RBMS2: variants seen among roughly 807,000 people sequenced by gnomAD.
RBMS2 encodes RNA binding motif single stranded interacting protein 2.
A neutral mutation model predicts 58.4 loss-of-function variants in RBMS2; 38 were observed. The observed-to-expected ratio is 0.65, with a 90% CI of 0.50 to 0.85. The LOEUF (loss-of-function observed/expected upper bound fraction) is 0.85, where lower values mean the gene tolerates loss of function less well. Ranked by LOEUF, RBMS2 falls within the 40% of genes least tolerant of loss-of-function variation. RBMS2 has a pLI of 0.00. For missense variants in RBMS2, 367 were observed against 503.7 expected, an observed-to-expected ratio of 0.73 and a Z score of 2.60; for synonymous variants, 151 against 180.7, an observed-to-expected ratio of 0.84 and a Z score of 1.32.
At chr12:56,521,502 GTTTT>G (rs68129205), upstream of RBMS2, among the ~76,000 whole-genome samples, 49 of 73,158 alleles carry the variant, frequency 6.7e-4, no homozygotes, top group African/African-American at 2.4e-3. Context: ...CTCTAACTCT[GTTTT>G]TTTTTTTTTT....
intron 2 of RBMS2, among the ~76,000 whole-genome samples, chr12:56,568,209 T>G (rs1881693055): frequency 6.6e-6 from 1 of 152,102 alleles, no homozygotes; most frequent in African/African-American, 2.4e-5. Context: ...GTGATGGAAA[T>G]AGGATATCAG....
intron 5 of RBMS2, among the ~76,000 whole-genome samples, chr12:56,578,614 T>G (rs1883476579): frequency 6.6e-6 from 1 of 152,210 alleles, no homozygotes; most frequent in Admixed American, 6.5e-5. Flanking sequence ...TGAGAAACCT[T>G]GTTCTCATAA....
At chr12:56,583,163 T>C (rs1038240671) in intron 9 of RBMS2, among the ~76,000 whole-genome samples, 1 of 152,212 alleles carries the variant, frequency 6.6e-6, no homozygotes, top group African/African-American at 2.4e-5. Flanking sequence ...GTGCTATATT[T>C]TTATATATGA....
intron 2 of RBMS2, among the ~76,000 whole-genome samples, chr12:56,562,875 C>T (rs2136423692): frequency 6.6e-6 from 1 of 152,340 alleles, no homozygotes; most frequent in Middle Eastern, 3.4e-3. Flanking sequence ...ATAATCCCAG[C>T]ACTTTGGGAG....
intron 1 of RBMS2, among the ~76,000 whole-genome samples, chr12:56,530,363 T>C (rs1302660726): frequency 7.1e-6 from 1 of 140,570 alleles, no homozygotes; most frequent in Non-Finnish European, 1.6e-5. Flanking sequence ...TTTTTTTTTT[T>C]TTTTTTTTTT....
chr12:56,542,809 C>T (rs930605580), intron 1 of RBMS2, among the ~76,000 whole-genome samples: 2 of 151,652 alleles, frequency 1.3e-5, no homozygotes, highest in Non-Finnish European at 2.9e-5. Context: ...CTCTGTCTCC[C>T]GAAGTGTTGG....
chr12:56,532,313 C>T (rs1873899343), intron 1 of RBMS2, among the ~76,000 whole-genome samples: 2 of 151,622 alleles, frequency 1.3e-5, no homozygotes, highest in African/African-American at 4.8e-5. Flanking sequence ...GAGGCCGAGG[C>T]AGGCAGATCA....
chr12:56,526,020 G>A (rs889058991), intron 1 of RBMS2, among the ~76,000 whole-genome samples: 6 of 151,568 alleles, frequency 4.0e-5, no homozygotes, highest in African/African-American at 1.5e-4. Context: ...GAAAGTTATT[G>A]TAAAAATTTA....
Position 56,548,245 on chromosome 12 carries a change from G to A in RBMS2, c.67-14172G>A, listed in dbSNP as rs536194563. Among the ~76,000 whole-genome samples the A allele has an allele frequency of 5.9e-5, 9 of 151,850 alleles. No individual in the cohort carries two copies. The South Asian group carries it at 1.5e-3, about 25-fold the overall frequency. ...GCAGATCACATGAGGTCAGGAGTTCGAGACCAGCCTGGCCAACATGGTGAA... is the reference window on the plus strand; with the variant it reads ...GCAGATCACATGAGGTCAGGAGTTCAAGACCAGCCTGGCCAACATGGTGAA... On this transcript the variant is annotated intron_variant, in intron 1 of 13. Transcript: ENST00000262031.
rs1300418725 is a variant in RBMS2 at position 56,594,305 on chromosome 12, G to C, written c.*5172G>C. The C allele has an allele frequency of 6.6e-6, 1 of 152,248 alleles. No individual in the cohort carries two copies. The highest frequency in any genetic ancestry group is 1.5e-5 in the Non-Finnish European group (1 of 68,056). The allele number at this position is 152,248 out of a possible 1,614,324, so 9.4% of individuals were successfully genotyped here. ...CACATGCCCCACCTTCTGGGCAAGT[G>C]GCAGCATTGCGCTCATGAGGGGCTT... is the stretch of plus-strand genomic sequence containing the variant. On this transcript the variant is annotated 3_prime_UTR_variant, in exon 14 of 14. Coordinates refer to ENST00000262031, the MANE Select transcript of RBMS2 (RefSeq NM_002898.4).
At chr12:56,568,424 GAA>G (rs1881728042) in intron 2 of RBMS2, among the ~76,000 whole-genome samples, 3 of 152,150 alleles carry the variant, frequency 2.0e-5, no homozygotes, top group Admixed American at 2.0e-4. Context: ...AGCTGGGAAA[GAA>G]GAGAGAAATG....
chr12:56,575,778 C>T (rs1883036429), intron 5 of RBMS2, among the ~76,000 whole-genome samples: 2 of 151,848 alleles, frequency 1.3e-5, no homozygotes, highest in African/African-American at 4.8e-5. Context: ...CCTGTAATCC[C>T]AGCTACTCAG....
intron 2 of RBMS2, among the ~76,000 whole-genome samples, chr12:56,565,080 A>G (rs1881107000): frequency 6.6e-6 from 1 of 152,232 alleles, no homozygotes; most frequent in Non-Finnish European, 1.5e-5. Context: ...ATGCTCCTAT[A>G]TACTTTAAAA....
At position 56,526,320 on chromosome 12, in the gene RBMS2, T is replaced by TAAATAAAATAAAATA. The variant is rs566701714; in HGVS notation, c.66+4240_66+4254dup. The stretch of plus-strand genomic sequence containing the variant: ...AGACTCCATCTCAAAAATAAATAAA[T>TAAATAAAATAAAATA]AAATAAAATAAAATAAAATAAAACA... On this transcript the variant is annotated intron_variant, in intron 1 of 13. Transcript: ENST00000262031. Among the ~76,000 whole-genome samples, 1,148 of 151,512 alleles carry TAAATAAAATAAAATA rather than the reference T, an allele frequency of 7.6e-3. 21 individuals carry two copies. Among genetic ancestry groups the TAAATAAAATAAAATA allele is most frequent in the African/African-American group, 0.026 (1,081 of 41,282 alleles).
intron 1 of RBMS2, among the ~76,000 whole-genome samples, chr12:56,561,605 C>T (rs1880398087): frequency 6.6e-6 from 1 of 151,796 alleles, no homozygotes; most frequent in Non-Finnish European, 1.5e-5. Context: ...CTCCCAGATT[C>T]ACGCCATTCT....
chr12:56,582,217 A>G, intron 9 of RBMS2, 65 bp downstream of exon 9: 2 of 1,386,438 alleles, frequency 1.4e-6, no homozygotes, highest in Non-Finnish European at 2.0e-6. Context: ...GTGAAGTAAT[A>G]TAAGGCTAGG....
chr12:56,581,930 A>G (rs1385728506), intron 8 of RBMS2, 51 bp downstream of exon 8: 8 of 1,596,150 alleles, frequency 5.0e-6, no homozygotes, highest in Non-Finnish European at 6.9e-6. Context: ...GCCTGTGTCC[A>G]GACACTCAAA....
In RBMS2 at chr12:56,553,366, T is replaced by A. The variant is rs145828022; in HGVS notation, c.67-9051T>A. ...TGTGTATGTGATAAAGATTATTCTG[T>A]CGCCCAGGCTGGAGGGCAGTGGTGT... On this transcript the variant is annotated intron_variant, in intron 1 of 13. Transcript: ENST00000262031. Among the ~76,000 whole-genome samples the A allele has an allele frequency of 5.2e-3, 787 of 152,164 alleles. 6 individuals carry two copies. Among genetic ancestry groups the A allele is most frequent in the African/African-American group, 0.018 (739 of 41,532 alleles).
rs952297641 is a variant in RBMS2 at position 56,592,533 on chromosome 12, CAG to C, written c.*3403_*3404del. On this transcript the variant is annotated 3_prime_UTR_variant, in exon 14 of 14. Transcript: ENST00000262031. Reference sequence around the variant, plus strand: ...TTTTATTTTATTTTATTTTTTCAGACAGAGTCTTGCTCTGTCGCCCAGGCTGG... The same window carrying C: ...TTTTATTTTATTTTATTTTTTCAGACAGTCTTGCTCTGTCGCCCAGGCTGG... The C allele has an allele frequency of 5.9e-5, 9 of 152,168 alleles. No homozygotes were observed. Among genetic ancestry groups the C allele is most frequent in the African/African-American group, 1.7e-4 (7 of 41,380 alleles). The allele number at this position is 152,168 out of a possible 1,614,324, so 9.4% of individuals were successfully genotyped here.
Sources: gnomAD v4.1 joint callset for allele counts (sites outside exome capture counted in the v4.1 genomes callset) on GRCh38, gnomAD v4.1.1 for gene constraint, MANE v1.5 for transcripts, NCBI Gene and HGNC (gene_info 2026-07-23, HGNC 2026-07-21) for gene names.